The following LHFPL3 variants were observed in gnomAD, a reference collection of about 807,000 sequenced individuals.
LHFPL3 encodes the protein LHFPL tetraspan subfamily member 3 protein.
In LHFPL3, 5 loss-of-function variants were observed where a neutral mutation model predicts 19.3. That is an observed-to-expected ratio of 0.26 (90% CI 0.14 to 0.54). The LOEUF is 0.54. LHFPL3 is among the 20% of genes least tolerant of loss of function. The pLI is 0.94. For missense variants in LHFPL3, 249 were observed against 307.4 expected, an observed-to-expected ratio of 0.81 and a Z score of 1.42; for synonymous variants, 133 against 126.2, an observed-to-expected ratio of 1.05 and a Z score of -0.36.
intron 1 of LHFPL3, among the ~76,000 whole-genome samples, chr7:104,460,497 A>G (rs879009708): frequency 1.3e-5 from 2 of 151,988 alleles, no homozygotes; most frequent in African/African-American, 4.8e-5. Context: ...TTTCTCCACA[A>G]CCTCACTAGC....
intron 2 of LHFPL3, among the ~76,000 whole-genome samples, chr7:104,841,676 C>A (rs1791212865): frequency 1.3e-5 from 2 of 152,116 alleles, no homozygotes; most frequent in Non-Finnish European, 2.9e-5. Flanking sequence ...CTCTACCTCT[C>A]TTCTCTCCTC....
At chr7:104,442,377 C>T (rs1043838502) in intron 1 of LHFPL3, among the ~76,000 whole-genome samples, 1 of 151,922 alleles carries the variant, frequency 6.6e-6, no homozygotes, top group African/African-American at 2.4e-5. Context: ...ATTGACACGA[C>T]GCTTTGAGAT....
rs1791297146 is a variant in LHFPL3, at chr7:104,845,508, G to A, written c.683-60679G>A. Reference sequence around the variant, plus strand: ...TCTGTTCCCGCATGTTTTCTCCGCTGTTTTCTGATTCCCGCTTTCAGCGCT... The same window carrying A: ...TCTGTTCCCGCATGTTTTCTCCGCTATTTTCTGATTCCCGCTTTCAGCGCT... On this transcript the variant is annotated intron_variant, in intron 2 of 2. Transcript: ENST00000424859. 2.0e-6 allele frequency: 3 copies of A among 1,486,884 alleles called. No homozygotes were observed. The South Asian group carries it at 3.8e-5, about 19-fold the overall frequency. 92.1% of individuals were successfully genotyped at this position (1,486,884 alleles called of 1,614,324 possible).
At chr7:104,744,477 A>C (rs1356015582) in intron 2 of LHFPL3, among the ~76,000 whole-genome samples, 1 of 152,212 alleles carries the variant, frequency 6.6e-6, no homozygotes, top group Non-Finnish European at 1.5e-5. Flanking sequence ...TGTGCCTCTA[A>C]AGAAACTGCA....
chr7:104,773,973 G>A (rs537152982), intron 2 of LHFPL3, among the ~76,000 whole-genome samples: 5 of 152,318 alleles, frequency 3.3e-5, no homozygotes, highest in Admixed American at 6.5e-5. Flanking sequence ...CCCTAGAGAC[G>A]AACACAAAGG....
intron 1 of LHFPL3, among the ~76,000 whole-genome samples, chr7:104,381,148 T>C (rs1198168425): frequency 6.6e-6 from 1 of 152,174 alleles, no homozygotes; most frequent in Non-Finnish European, 1.5e-5. Flanking sequence ...AAACCCATGG[T>C]TCACTTGTGA....
chr7:104,365,586 C>T (rs1790471148), intron 1 of LHFPL3, among the ~76,000 whole-genome samples: 1 of 149,008 alleles, frequency 6.7e-6, no homozygotes, highest in Non-Finnish European at 1.5e-5. Flanking sequence ...TCGAGACCAT[C>T]CTGGCTAACA....
At chr7:104,469,526 C>G (rs1792862939) in intron 1 of LHFPL3, among the ~76,000 whole-genome samples, 2 of 152,124 alleles carry the variant, frequency 1.3e-5, no homozygotes, top group African/African-American at 4.8e-5. Context: ...TTAGCTAAAT[C>G]ATAAAATTTG....
At chr7:104,586,520 T>TA (rs1263864200) in intron 1 of LHFPL3, among the ~76,000 whole-genome samples, 9 of 152,288 alleles carry the variant, frequency 5.9e-5, no homozygotes, top group Admixed American at 5.2e-4. Context: ...GAAGCTGAGA[T>TA]AACTTTCAAT....
At chr7:104,730,091 T>A (rs1446374731) in intron 1 of LHFPL3, among the ~76,000 whole-genome samples, 1 of 152,252 alleles carries the variant, frequency 6.6e-6, no homozygotes, top group Non-Finnish European at 1.5e-5. Flanking sequence ...TTTTTATGGC[T>A]GCAGAGTATT....
chr7:104,865,275 C>A lies in LHFPL3; in HGVS notation c.683-40912C>A, dbSNP rs577692976. Among the ~76,000 whole-genome samples, 27 of 152,126 alleles carry A rather than the reference C, an allele frequency of 1.8e-4. 1 individual carries two copies. In the South Asian group the frequency reaches 5.6e-3, roughly 32 times the overall value. On this transcript the variant is annotated intron_variant, in intron 2 of 2. Coordinates refer to ENST00000424859, the MANE Select transcript of LHFPL3 (RefSeq NM_199000.3). ...GAAGGCTTCAGACGATCAAACTACTCCGAGCTAAAGGAGGAAGTTTGAACC... is the reference window on the plus strand; with the variant it reads ...GAAGGCTTCAGACGATCAAACTACTACGAGCTAAAGGAGGAAGTTTGAACC...
At chr7:104,783,087 T>G (rs1166813362) in intron 2 of LHFPL3, among the ~76,000 whole-genome samples, 1 of 152,188 alleles carries the variant, frequency 6.6e-6, no homozygotes, top group East Asian at 1.9e-4. Flanking sequence ...GAAATGCAAA[T>G]CCTCAGGCCC....
At chr7:104,348,263 T>A (rs761737302) in intron 1 of LHFPL3, among the ~76,000 whole-genome samples, 1 of 152,094 alleles carries the variant, frequency 6.6e-6, no homozygotes, top group Non-Finnish European at 1.5e-5. Context: ...TGCGTGCCTG[T>A]AATTCCAGCT....
intron 1 of LHFPL3, among the ~76,000 whole-genome samples, chr7:104,430,420 A>ATATATATATATGTG (rs1562895216): frequency 8.5e-5 from 1 of 11,810 alleles, no homozygotes; most frequent in Non-Finnish European, 1.8e-4. Context: ...ATATATATAC[A>ATATATATATATGTG]TATATATATA....
intron 1 of LHFPL3, among the ~76,000 whole-genome samples, chr7:104,343,831 C>A (rs1300789252): frequency 6.6e-6 from 1 of 151,962 alleles, no homozygotes; most frequent in African/African-American, 2.4e-5. Flanking sequence ...CTAGAAGTAT[C>A]CACTTTCTTG....
At chr7:104,887,866 T>C (rs1792176524) in intron 2 of LHFPL3, among the ~76,000 whole-genome samples, 1 of 152,248 alleles carries the variant, frequency 6.6e-6, no homozygotes, top group Non-Finnish European at 1.5e-5. Flanking sequence ...TCATCTTGGT[T>C]CAGATTGAGT....
At chr7:104,624,487 T>A (rs1388239585) in intron 1 of LHFPL3, among the ~76,000 whole-genome samples, 1 of 152,128 alleles carries the variant, frequency 6.6e-6, no homozygotes, top group Non-Finnish European at 1.5e-5. Flanking sequence ...ATAGGATATG[T>A]GGAGGTGCTT....
Position 104,829,629 on chromosome 7 carries a change from T to C in LHFPL3, c.683-76558T>C, listed in dbSNP as rs566906545. ...GTTTGCTGAGAATGATGGTTTCCAG[T>C]TTCATCCATGTCCCTACAAAGGACA... On this transcript the variant is annotated intron_variant, in intron 2 of 2. Transcript: ENST00000424859. Among the ~76,000 whole-genome samples the C allele has an allele frequency of 4.0e-4, 61 of 151,806 alleles. 1 individual carries two copies. Among genetic ancestry groups the C allele is most frequent in the African/African-American group, 1.2e-3 (51 of 41,184 alleles).
At chr7:104,733,373 C>G (rs1018679772) in intron 1 of LHFPL3, among the ~76,000 whole-genome samples, 43 of 152,134 alleles carry the variant, frequency 2.8e-4, no homozygotes, top group Non-Finnish European at 4.3e-4. Flanking sequence ...CTTTGTAGGT[C>G]ACTAAGGACT....
Sources: gnomAD v4.1 joint callset for allele counts (sites outside exome capture counted in the v4.1 genomes callset) on GRCh38, gnomAD v4.1.1 for gene constraint, MANE v1.5 for transcripts, NCBI Gene and HGNC (gene_info 2026-07-23, HGNC 2026-07-21) for gene names.